The following CHN2 variants were observed in gnomAD, a reference collection of about 807,000 sequenced individuals.
The protein encoded by CHN2 is beta-chimaerin.
A neutral mutation model predicts 56.3 loss-of-function variants in CHN2; 35 were observed. The observed-to-expected ratio is 0.62, with a 90% CI of 0.47 to 0.82. CHN2 has a LOEUF of 0.82. CHN2 is among the 40% of genes least tolerant of loss of function. The pLI, the probability that CHN2 is intolerant of heterozygous loss-of-function variation, is 0.00. For missense variants in CHN2, 491 were observed against 580.5 expected (o/e 0.85, Z 1.58); for synonymous variants, 210 against 212.8 (o/e 0.99, Z 0.12).
intron 3 of CHN2, among the ~76,000 whole-genome samples, chr7:29,388,742 T>C (rs1041010549): frequency 3.9e-5 from 6 of 152,194 alleles, no homozygotes; most frequent in African/African-American, 7.2e-5. Flanking sequence ...CACACACTTA[T>C]GGCCTCATCT....
intron 6 of CHN2, among the ~76,000 whole-genome samples, chr7:29,417,037 C>A (rs934592715): frequency 2.6e-5 from 4 of 152,096 alleles, no homozygotes; most frequent in Non-Finnish European, 5.9e-5. Context: ...CTTTGCATGC[C>A]GCCGGGTAGC....
chr7:29,311,233 G>A lies in CHN2; in HGVS notation c.50-43392G>A, dbSNP rs560593142. ...CTGCCTCCTGGCTTTCACTTACACC[G>A]TTCCATTGTCCTTCCTGTCACCGAC... On this transcript the variant is annotated intron_variant, in intron 1 of 12. Coordinates refer to ENST00000222792, the MANE Select transcript of CHN2 (RefSeq NM_004067.4). Among the ~76,000 whole-genome samples, 12 of 152,172 alleles carry A rather than the reference G, an allele frequency of 7.9e-5. No homozygotes were observed. In the South Asian group the frequency reaches 1.0e-3, roughly 13 times the overall value.
At chr7:29,164,448 A>G (rs1333637318) in intron 2 of CHN2, among the ~76,000 whole-genome samples, 2 of 151,898 alleles carry the variant, frequency 1.3e-5, no homozygotes, top group African/African-American at 2.4e-5. Flanking sequence ...TTGCCTTTTC[A>G]TTTCCTCTTT....
At chr7:29,153,979 T>C (rs1443346146) in intron 2 of CHN2, among the ~76,000 whole-genome samples, 1 of 152,234 alleles carries the variant, frequency 6.6e-6, no homozygotes, top group African/African-American at 2.4e-5. Context: ...TATGTTATAA[T>C]AAGGCTTCTG....
intron 3 of CHN2, among the ~76,000 whole-genome samples, chr7:29,370,204 T>C (rs1472058977): frequency 5.3e-5 from 8 of 152,078 alleles, no homozygotes; most frequent in Non-Finnish European, 1.0e-4. Flanking sequence ...CTCCCAGGAG[T>C]TGGCCTCCTG....
chr7:29,375,190 C>CTTT lies in CHN2; in HGVS notation c.144+7229_144+7231dup, dbSNP rs70980534. Among the ~76,000 whole-genome samples the CTTT allele has an allele frequency of 1.2e-4, 9 of 77,908 alleles. 1 individual carries two copies. Among genetic ancestry groups the CTTT allele is most frequent in the Non-Finnish European group, 1.4e-4 (6 of 43,290 alleles). 51.1% of individuals were successfully genotyped at this position (77,908 alleles called of 152,430 possible). A position where few individuals can be genotyped will look rare whatever the true frequency, so the allele number is the denominator to read the frequency against. On this transcript the variant is annotated intron_variant, in intron 3 of 12. Coordinates refer to ENST00000222792, the MANE Select transcript of CHN2 (RefSeq NM_004067.4). Reference sequence around the variant, plus strand: ...CAAGCATGAGCCACCGTGCTCGGCCCTTTTTTTTTTTTTTTTTTTTTTTTT... The same window carrying CTTT: ...CAAGCATGAGCCACCGTGCTCGGCCCTTTTTTTTTTTTTTTTTTTTTTTTTTTT...
chr7:29,203,319 T>G (rs545447818), intron 1 of CHN2, among the ~76,000 whole-genome samples: 1 of 151,928 alleles, frequency 6.6e-6, no homozygotes, highest in African/African-American at 2.4e-5. Flanking sequence ...ATACAAAAAG[T>G]AGCTGGGCAT....
upstream of CHN2, chr7:29,193,280 C>G (rs1242716027): frequency 6.6e-6 from 1 of 151,820 alleles, no homozygotes; most frequent in African/African-American, 2.4e-5. Context: ...AAGTTCTAAT[C>G]AACTAGAAAA....
At chr7:29,448,930 G>A (rs1784215352) in intron 6 of CHN2, among the ~76,000 whole-genome samples, 1 of 152,200 alleles carries the variant, frequency 6.6e-6, no homozygotes, top group South Asian at 2.1e-4. Flanking sequence ...ACAGGGCATG[G>A]TCCATACTAA....
intron 6 of CHN2, among the ~76,000 whole-genome samples, chr7:29,433,855 AAGGAAGGGAGAGGGGG>A (rs1204049125): frequency 1.1e-4 from 16 of 142,774 alleles, no homozygotes; most frequent in African/African-American, 4.0e-4. Flanking sequence ...AAAAAAAAGG[AAGGAAGGGAGAGGGGG>A]AGGAAGGGAG....
chr7:29,228,178 G>A (rs573862282), intron 1 of CHN2, among the ~76,000 whole-genome samples: 4 of 148,406 alleles, frequency 2.7e-5, no homozygotes, highest in African/African-American at 1.0e-4. Context: ...ACACACACAC[G>A]TGTGTGTGTG....
At chr7:29,502,459 GT>G (rs1790071344) in intron 9 of CHN2, among the ~76,000 whole-genome samples, 2 of 152,296 alleles carry the variant, frequency 1.3e-5, no homozygotes, top group South Asian at 4.1e-4. Context: ...ATGGGCCAGA[GT>G]TTAATGGCCA....
chr7:29,496,914 T>G (rs1789361850), intron 8 of CHN2, among the ~76,000 whole-genome samples: 1 of 152,214 alleles, frequency 6.6e-6, no homozygotes, highest in South Asian at 2.1e-4. Context: ...CCTGACTGAC[T>G]TCTTCCTTGC....
intron 2 of CHN2, among the ~76,000 whole-genome samples, chr7:29,366,721 T>G (rs1799193168): frequency 6.6e-6 from 1 of 152,214 alleles, no homozygotes; most frequent in African/African-American, 2.4e-5. Context: ...GTGGGTGACC[T>G]ATACTTAGAA....
At chr7:29,405,678 A>G (rs1230974981) in intron 6 of CHN2, among the ~76,000 whole-genome samples, 1 of 152,182 alleles carries the variant, frequency 6.6e-6, no homozygotes, top group Non-Finnish European at 1.5e-5. Context: ...AGGCCTTCCA[A>G]CCTTACTGGG....
At chr7:29,460,239 A>G (rs1004730241) in intron 6 of CHN2, among the ~76,000 whole-genome samples, 2 of 151,590 alleles carry the variant, frequency 1.3e-5, no homozygotes, top group Non-Finnish European at 2.9e-5. Context: ...CCTAGGTCCC[A>G]TGCCCCACCC....
At chr7:29,240,471 A>G (rs1787565707) in intron 1 of CHN2, among the ~76,000 whole-genome samples, 1 of 152,236 alleles carries the variant, frequency 6.6e-6, no homozygotes, top group South Asian at 2.1e-4. Flanking sequence ...TGACAGTCTG[A>G]GGCAGAAAGC....
intron 1 of CHN2, among the ~76,000 whole-genome samples, chr7:29,228,178 G>T: frequency 6.7e-6 from 1 of 148,322 alleles, no homozygotes; most frequent in East Asian, 2.0e-4. Context: ...ACACACACAC[G>T]TGTGTGTGTG....
intron 6 of CHN2, among the ~76,000 whole-genome samples, chr7:29,456,556 T>A (rs1381642363): frequency 1.3e-5 from 2 of 151,954 alleles, no homozygotes; most frequent in African/African-American, 4.8e-5. Context: ...AATGCATGAA[T>A]GTCCCCAAGG....
Sources: allele counts gnomAD v4.1 joint callset (sites outside exome capture counted in the v4.1 genomes callset), GRCh38; gene constraint gnomAD v4.1.1; transcripts MANE v1.5; gene names NCBI Gene and HGNC (gene_info 2026-07-23, HGNC 2026-07-21).